ANO3: variants seen among roughly 807,000 people sequenced by gnomAD.
ANO3 encodes the protein anoctamin 3.
Under a neutral mutation model 144.8 loss-of-function variants are expected in ANO3, and 99 were observed. The ratio of observed to expected loss-of-function variants is 0.68; its 90% confidence interval spans 0.58 to 0.81. The LOEUF is 0.81. Among genes scored for constraint, ANO3 ranks in the 30% least tolerant of loss-of-function variants. The probability of loss-of-function intolerance (pLI) is 0.00; values close to 1 mark genes in which losing one functional copy is unlikely to be tolerated. For missense variants in ANO3, 905 were observed against 1,202.2 expected, an observed-to-expected ratio of 0.75 and a Z score of 3.66; for synonymous variants, 414 against 392.6, an observed-to-expected ratio of 1.05 and a Z score of -0.64.
intron 14 of ANO3, among the ~76,000 whole-genome samples, chr11:26,577,753 T>G (rs1851027739): frequency 1.3e-5 from 2 of 152,174 alleles, no homozygotes; most frequent in South Asian, 4.1e-4. Context: ...TAACTAGGGT[T>G]GTATTTAAAC....
chr11:26,649,543 G>T (rs1853457453), intron 24 of ANO3, among the ~76,000 whole-genome samples: 1 of 152,086 alleles, frequency 6.6e-6, no homozygotes, highest in South Asian at 2.1e-4. Flanking sequence ...TCCAGACCAG[G>T]CTGGCCAACA....
At chr11:26,386,466 G>A (rs993526652) in intron 1 of ANO3, among the ~76,000 whole-genome samples, 4 of 152,052 alleles carry the variant, frequency 2.6e-5, no homozygotes, top group African/African-American at 7.2e-5. Flanking sequence ...ATTATCTCTC[G>A]ACAAAAGACT....
chr11:26,535,825 T>C (rs2641390), intron 9 of ANO3, among the ~76,000 whole-genome samples: 106,378 of 150,862 alleles, frequency 0.71, 37,885 homozygotes, highest in East Asian at 0.84. Context: ...CCTGGTGATC[T>C]GCCCGCCTCA....
At chr11:26,652,842 A>C (rs1177754297) in intron 24 of ANO3, among the ~76,000 whole-genome samples, 1 of 152,208 alleles carries the variant, frequency 6.6e-6, no homozygotes, top group African/African-American at 2.4e-5. Context: ...TGACTTTCAC[A>C]TTGTCAAACC....
chr11:26,376,754 G>A (rs745671329), intron 1 of ANO3, among the ~76,000 whole-genome samples: 5 of 152,054 alleles, frequency 3.3e-5, no homozygotes, highest in Non-Finnish European at 5.9e-5. Flanking sequence ...TGGAGTAAAC[G>A]GCTAGCAATG....
chr11:26,282,972 C>T (rs1853712825), intron 1 of ANO3, among the ~76,000 whole-genome samples: 1 of 152,104 alleles, frequency 6.6e-6, no homozygotes, highest in East Asian at 1.9e-4. Flanking sequence ...TACATTTAGA[C>T]TACATATTCC....
Position 26,640,319 on chromosome 11 carries a change from A to C in ANO3, c.2141+1078A>C, listed in dbSNP as rs538876953. Among the ~76,000 whole-genome samples, 241 of 152,326 alleles carry C rather than the reference A, an allele frequency of 1.6e-3. 2 individuals carry two copies. The highest frequency in any genetic ancestry group is 7.0e-3 in the South Asian group (34 of 4,832). Reference sequence around the variant, plus strand: ...TTAAACCTTCATCATAAACGACAGAACCTTTTTGTGAAGAGAGTTTTATAC... The same window carrying C: ...TTAAACCTTCATCATAAACGACAGACCCTTTTTGTGAAGAGAGTTTTATAC... On this transcript the variant is annotated intron_variant, in intron 21 of 26. Transcript: ENST00000256737.
chr11:26,268,251 G>C (rs1377777479), intron 1 of ANO3, among the ~76,000 whole-genome samples: 1 of 152,156 alleles, frequency 6.6e-6, no homozygotes, highest in Non-Finnish European at 1.5e-5. Context: ...TTGTTCGAAA[G>C]AAAGTCTAAG....
At chr11:26,622,577 G>T (rs960873494) in intron 17 of ANO3, among the ~76,000 whole-genome samples, 6 of 152,158 alleles carry the variant, frequency 3.9e-5, no homozygotes, top group African/African-American at 1.4e-4. Context: ...TTGCACTCCA[G>T]CCTGGGTGTT....
intron 14 of ANO3, among the ~76,000 whole-genome samples, chr11:26,586,051 C>T (rs2132873570): frequency 6.6e-6 from 1 of 152,244 alleles, no homozygotes; most frequent in Non-Finnish European, 1.5e-5. Flanking sequence ...CCTCAGTAAC[C>T]ATGACTTTGA....
intron 1 of ANO3, among the ~76,000 whole-genome samples, chr11:26,293,315 T>C (rs1409712564): frequency 6.6e-6 from 1 of 151,674 alleles, no homozygotes; most frequent in Non-Finnish European, 1.5e-5. Flanking sequence ...AATATATAAA[T>C]AGAAAAACAA....
chr11:26,538,681 C>T (rs1459308990), intron 10 of ANO3, among the ~76,000 whole-genome samples: 3 of 152,026 alleles, frequency 2.0e-5, no homozygotes, highest in Non-Finnish European at 2.9e-5. Context: ...AGGTTTTTTA[C>T]GTGAAATTTG....
At chr11:26,631,922 G>A (rs1261429700) in intron 18 of ANO3, among the ~76,000 whole-genome samples, 2 of 152,124 alleles carry the variant, frequency 1.3e-5, no homozygotes, top group African/African-American at 2.4e-5. Flanking sequence ...GTTCACGCCT[G>A]TGATCTCAGC....
chr11:26,585,923 G>A (rs565741755), intron 14 of ANO3, among the ~76,000 whole-genome samples: 3 of 152,320 alleles, frequency 2.0e-5, no homozygotes, highest in Admixed American at 6.5e-5. Flanking sequence ...ATAGATGTTA[G>A]AAGTAATTTA....
intron 17 of ANO3, among the ~76,000 whole-genome samples, chr11:26,608,590 C>T (rs1194111651): frequency 1.3e-5 from 2 of 152,132 alleles, no homozygotes; most frequent in African/African-American, 2.4e-5. Flanking sequence ...ACCCCTGTCC[C>T]TGGGGACCCA....
At chr11:26,317,651 C>T (rs985736175) in intron 1 of ANO3, among the ~76,000 whole-genome samples, 20 of 152,186 alleles carry the variant, frequency 1.3e-4, no homozygotes, top group African/African-American at 4.6e-4. Context: ...CGCTTTTACA[C>T]TGTTGGTAGG....
In ANO3 at chr11:26,407,378, G is replaced by C. The variant is rs1456844541; in HGVS notation, c.47-34540G>C. Among the ~76,000 whole-genome samples the C allele has an allele frequency of 2.6e-5, 4 of 151,580 alleles. No homozygotes were observed. In the East Asian group the frequency reaches 7.8e-4, roughly 30 times the overall value. ...CTATCCCCACTTGGAACAAATGGGT[G>C]CCGTCTCTCTGCTTCTATATCATTG... On this transcript the variant is annotated intron_variant, in intron 1 of 26. Coordinates refer to ENST00000256737, the MANE Select transcript of ANO3 (RefSeq NM_031418.4).
intron 13 of ANO3, 77 bp downstream of exon 13, chr11:26,553,422 T>G: frequency 1.0e-6 from 1 of 959,014 alleles, no homozygotes; most frequent in Non-Finnish European, 1.6e-6. Flanking sequence ...AGTCAATAGC[T>G]TTTTACCAAA....
rs748821389 is a variant in ANO3, at chr11:26,463,043, T to C, written c.327T>C (p.Asp109=). The C allele has an allele frequency of 5.8e-6, 9 of 1,551,798 alleles. No homozygotes were observed. In the African/African-American group the frequency reaches 9.7e-5, roughly 17 times the overall value. Reference sequence around the variant, plus strand: ...TCTCTTTTATAGCCCTAGGAAAAGATAAGGATTACACGGATGAATCAGAAC... The same window carrying C: ...TCTCTTTTATAGCCCTAGGAAAAGACAAGGATTACACGGATGAATCAGAAC... ...LSDFCLALGK[D]KDYTDESEHA... Residue 109 remains aspartate (D), a synonymous_variant, in exon 4 of 27, where the codon GAT becomes GAC. Coordinates refer to ENST00000256737, the MANE Select transcript of ANO3 (RefSeq NM_031418.4).
Sources: gnomAD v4.1 joint callset for allele counts (sites outside exome capture counted in the v4.1 genomes callset) on GRCh38, gnomAD v4.1.1 for gene constraint, MANE v1.5 for transcripts, NCBI Gene and HGNC (gene_info 2026-07-23, HGNC 2026-07-21) for gene names.